The following BRD3 variants were observed in gnomAD, a reference collection of about 807,000 sequenced individuals.
BRD3 encodes bromodomain containing 3.
BRD3 carries 17 observed loss-of-function variants against 66.8 expected under a neutral mutation model. That is an observed-to-expected ratio of 0.25 (90% CI 0.17 to 0.38). BRD3 has a LOEUF of 0.38. Among genes scored for constraint, BRD3 ranks in the 10% least tolerant of loss-of-function variants. The probability of loss-of-function intolerance (pLI) is 1.00; values close to 1 mark genes in which losing one functional copy is unlikely to be tolerated. For synonymous variants in BRD3, 421 were observed against 393.2 expected, an observed-to-expected ratio of 1.07 and a Z score of -0.84; for missense variants, 713 against 956.1, an observed-to-expected ratio of 0.75 and a Z score of 3.35.
At chr9:134,052,841 G>A (rs1019217892) in intron 2 of BRD3, among the ~76,000 whole-genome samples, 1 of 152,186 alleles carries the variant, frequency 6.6e-6, no homozygotes, top group East Asian at 1.9e-4. Flanking sequence ...TTGGGCCCAG[G>A]TCAAAAATGA....
intron 1 of BRD3, 199 bp from the exon 2 acceptor site, chr9:134,053,789 C>T (rs1004094929): frequency 2.8e-5 from 11 of 391,530 alleles, no homozygotes; most frequent in Non-Finnish European, 5.0e-5. Context: ...CTCAGAACGA[C>T]TCTCCAACCA....
intron 8 of BRD3, among the ~76,000 whole-genome samples, chr9:134,041,422 G>A (rs1588277923): frequency 1.3e-5 from 2 of 152,160 alleles, no homozygotes; most frequent in African/African-American, 2.4e-5. Context: ...TGGAGCCCAG[G>A]CACTACTGTG....
intron 8 of BRD3, 132 bp from the exon 9 acceptor site, chr9:134,040,401 A>T: frequency 3.0e-6 from 3 of 1,013,256 alleles, no homozygotes; most frequent in Non-Finnish European, 2.9e-6. Context: ...GTGAACCAGG[A>T]GCACCTGGGC....
At chr9:134,066,921 G>A (rs910724078) in intron 1 of BRD3, among the ~76,000 whole-genome samples, 1 of 152,204 alleles carries the variant, frequency 6.6e-6, no homozygotes, top group African/African-American at 2.4e-5. Flanking sequence ...TGCCCCCGGT[G>A]GGTCTCGGCG....
rs560183399 is a variant in BRD3 at position 134,061,593 on chromosome 9, G to T, written c.-114+6352C>A. On this transcript the variant is annotated intron_variant, in intron 1 of 11. Coordinates refer to ENST00000303407, the MANE Select transcript of BRD3 (RefSeq NM_007371.4). ...CCAGCCCTGGAATTTCCATAGCTCT[G>T]GGCCTCTGTACCTGTGTCCCTGACT... Among the ~76,000 whole-genome samples the T allele has an allele frequency of 5.3e-5, 8 of 152,318 alleles. No homozygotes were observed. The South Asian group carries it at 1.7e-3, about 32-fold the overall frequency.
At chr9:134,050,182 T>G (rs957101471) in intron 5 of BRD3, among the ~76,000 whole-genome samples, 192 bp downstream of exon 5, 2 of 152,312 alleles carry the variant, frequency 1.3e-5, no homozygotes, top group East Asian at 1.9e-4. Flanking sequence ...TGTGTGACCT[T>G]CAGCTCCCCA....
At position 134,048,115 on chromosome 9, in the gene BRD3, T is replaced by C. The variant is rs772253203; in HGVS notation, c.1054A>G (p.Ile352Val). The C allele has an allele frequency of 4.4e-6, 7 of 1,594,856 alleles. No individual in the cohort carries two copies. In the South Asian group the frequency reaches 7.9e-5, roughly 18 times the overall value. The change falls in exon 6 of 12, where the codon ATC becomes GTC. Residue 352 changes from isoleucine (I) to valine (V), a missense_variant. Around this residue, in one of 5 missense-constraint regions of BRD3, gnomAD observed 418 missense variants for 609.3 expected, o/e 0.69. Coordinates refer to ENST00000303407, the MANE Select transcript of BRD3 (RefSeq NM_007371.4). ...ALELHDYHDI[I>V]KHPMDLSTVK... Reference sequence around the variant, plus strand: ...GTGCTGAGGTCCATCGGGTGCTTGATGATGTCGTGGTAGTCGTGCAGCTCC... The same window carrying C: ...GTGCTGAGGTCCATCGGGTGCTTGACGATGTCGTGGTAGTCGTGCAGCTCC...
Position 134,050,405 on chromosome 9 carries a change from G to A in BRD3, c.683C>T (p.Pro228Leu). 1 of 1,612,074 alleles carries A rather than the reference G, an allele frequency of 6.2e-7. No individual in the cohort carries two copies. Among genetic ancestry groups the A allele is most frequent in the Non-Finnish European group, 8.5e-7 (1 of 1,179,694 alleles). Residue 228 changes from proline (P) to leucine (L), a missense_variant, in exon 5 of 12, where the codon CCC (proline) becomes CTC (leucine). By Grantham distance (98) the Pro-to-Leu change is moderately conservative (BLOSUM62 -3). Transcript: ENST00000303407. ...APPPPATPIVPVVPPTPPVVK... is the reference protein window; with the variant it reads ...APPPPATPIVLVVPPTPPVVK... The stretch of plus-strand genomic sequence containing the variant: ...GACAGGCGGCGTAGGAGGGACCACG[G>A]GGACGATGGGTGTGGCAGGAGGAGG...
Position 134,034,837 on chromosome 9 carries a change from G to A in BRD3, c.1937-8C>T, listed in dbSNP as rs201491764. 5.0e-6 allele frequency: 8 copies of A among 1,611,016 alleles called. No homozygotes were observed. The highest frequency in any genetic ancestry group is 1.6e-4 in the Middle Eastern group (1 of 6,062). ...GTTTCTTCCCGCTTGCTGCTGTCGG[G>A]GAACAAATGGGCACTCAGACTGCAG... On this transcript the variant is annotated splice_region_variant and splice_polypyrimidine_tract_variant and intron_variant, in intron 10 of 11. Transcript: ENST00000303407.
At chr9:134,042,061 A>T (rs1830060998) in intron 7 of BRD3, 110 bp from the exon 8 acceptor site, 1 of 1,256,152 alleles carries the variant, frequency 8.0e-7, no homozygotes, top group African/African-American at 1.5e-5. Flanking sequence ...CACAGCTGTT[A>T]CGAAGGTGGG....
rs73560525 is a variant in BRD3, at chr9:134,053,337, C to T, written c.141G>A (p.Val47=). 2.3e-4 allele frequency: 368 copies of T among 1,613,684 alleles called. No homozygotes were observed. The African/African-American group carries it at 4.5e-3, about 20-fold the overall frequency. Residue 47 remains valine (V), a synonymous_variant, in exon 2 of 12, where the codon GTG becomes GTA. Coordinates refer to ENST00000303407, the MANE Select transcript of BRD3 (RefSeq NM_007371.4). ...NQLQYMQNVV[V]KTLWKHQFAW... is the part of the protein sequence containing the mutation. ...CGAACTGGTGTTTCCAGAGCGTCTTCACCACCACATTCTGCATGTACTGCA... is the reference window on the plus strand; with the variant it reads ...CGAACTGGTGTTTCCAGAGCGTCTTTACCACCACATTCTGCATGTACTGCA...
Position 134,032,819 on chromosome 9 carries a change from G to A in BRD3, c.*771C>T, listed in dbSNP as rs1370507950. 7 of 262,718 alleles carry A rather than the reference G, an allele frequency of 2.7e-5. No individual in the cohort carries two copies. Among genetic ancestry groups the A allele is most frequent in the Non-Finnish European group, 5.0e-5 (7 of 140,354 alleles). 16.3% of individuals were successfully genotyped at this position (262,718 alleles called of 1,614,324 possible). A position where few individuals can be genotyped will look rare whatever the true frequency, so the allele number is the denominator to read the frequency against. ...GGCTGGACTTCCGTAGAAAATTGCC[G>A]AACCTTACAAAAAAAGTCTCCTTTT... On this transcript the variant is annotated 3_prime_UTR_variant, in exon 12 of 12. Transcript: ENST00000303407.
intron 1 of BRD3, among the ~76,000 whole-genome samples, chr9:134,059,361 G>A (rs912941775): frequency 3.3e-5 from 5 of 152,250 alleles, no homozygotes; most frequent in Non-Finnish European, 4.4e-5. Context: ...ACCTTCATGC[G>A]ATGGGGAATA....
chr9:134,033,832 C>T lies in BRD3; in HGVS notation c.2066-127G>A, dbSNP rs894237734. ...CGACCCACCCACTTCCTGACCCAGT[C>T]GTTTAATAAGTATTTATTGAAATTA... is the stretch of plus-strand genomic sequence containing the variant. On this transcript the variant is annotated intron_variant, in intron 11 of 11. Coordinates refer to ENST00000303407, the MANE Select transcript of BRD3 (RefSeq NM_007371.4). The surrounding 1 kb of genome is among the most constrained non-coding windows in gnomAD (Gnocchi z 5.1). 14 of 586,110 alleles carry T rather than the reference C, an allele frequency of 2.4e-5. No individual in the cohort carries two copies. Among genetic ancestry groups the T allele is most frequent in the Non-Finnish European group, 3.7e-5 (12 of 327,136 alleles). 36.3% of individuals were successfully genotyped at this position (586,110 alleles called of 1,614,324 possible).
At chr9:134,046,029 G>A (rs1830157980) in intron 6 of BRD3, among the ~76,000 whole-genome samples, 1 of 152,200 alleles carries the variant, frequency 6.6e-6, no homozygotes, top group African/African-American at 2.4e-5. Flanking sequence ...GGGGCGTGTC[G>A]GCTGACACCC....
rs1830320364 is a variant in BRD3, at chr9:134,052,201, C to T, written c.351+105G>A. 1.8e-5 allele frequency: 25 copies of T among 1,425,772 alleles called. 1 individual carries two copies. Among genetic ancestry groups the T allele is most frequent in the East Asian group, 2.3e-5 (1 of 42,728 alleles). 88.3% of individuals were successfully genotyped at this position (1,425,772 alleles called of 1,614,324 possible). On this transcript the variant is annotated intron_variant, in intron 3 of 11. Transcript: ENST00000303407. ...AGCCACGGCACCCAGCCAGGTGAAG[C>T]GCTTTGGGCCTGCCCAAGAGCTGCT...
intron 1 of BRD3, among the ~76,000 whole-genome samples, chr9:134,060,667 G>A (rs977603832): frequency 3.3e-5 from 5 of 151,948 alleles, no homozygotes; most frequent in Non-Finnish European, 7.4e-5. Context: ...GCGGGGAGAG[G>A]GCAGTGGCCA....
intron 1 of BRD3, among the ~76,000 whole-genome samples, chr9:134,067,552 G>A (rs1830691657): frequency 6.8e-6 from 1 of 147,862 alleles, no homozygotes; most frequent in South Asian, 2.1e-4. Context: ...GGAGGAAAGG[G>A]GGAAAAAAAT....
intron 3 of BRD3, among the ~76,000 whole-genome samples, chr9:134,051,959 C>T (rs1182648783): frequency 1.4e-5 from 2 of 143,734 alleles, no homozygotes; most frequent in Non-Finnish European, 3.0e-5. Context: ...GGCATGATCT[C>T]GGCTCACTGC....
Sources: allele counts gnomAD v4.1 joint callset (sites outside exome capture counted in the v4.1 genomes callset), GRCh38; gene constraint gnomAD v4.1.1; regional missense constraint gnomAD v4.1.1; non-coding constraint Gnocchi (gnomAD v3.1); transcripts MANE v1.5; gene names NCBI Gene and HGNC (gene_info 2026-07-23, HGNC 2026-07-21).